The following RALYL variants were observed in gnomAD, a reference collection of about 807,000 sequenced individuals.
RALYL encodes the protein RNA-binding Raly-like protein.
In RALYL, 29 loss-of-function variants were observed where a neutral mutation model predicts 35.1. That is an observed-to-expected ratio of 0.83 (90% CI 0.61 to 1.13). The LOEUF (loss-of-function observed/expected upper bound fraction) is 1.13, where lower values mean the gene tolerates loss of function less well. Among genes scored for constraint, RALYL ranks in the 50% most tolerant of loss-of-function variants. RALYL has a pLI of 0.00. For synonymous variants in RALYL, 120 were observed against 127.6 expected (o/e 0.94, Z 0.40); for missense variants, 359 against 360.4 (o/e 1.00, Z 0.03).
chr8:84,614,773 TCC>T (rs1819067609), intron 2 of RALYL, among the ~76,000 whole-genome samples: 1 of 136,452 alleles, frequency 7.3e-6, no homozygotes, highest in African/African-American at 2.9e-5. Flanking sequence ...CTCCCTTCTT[TCC>T]TTTTTTTTTT....
rs542419826 is a variant in RALYL at position 84,533,508 on chromosome 8, A to T, written c.256+3931A>T. ...CAATGTCTTTCTTTATATTCGGATTATTTTACTGTTACAATGCTTGTAAAA... is the reference window on the plus strand; with the variant it reads ...CAATGTCTTTCTTTATATTCGGATTTTTTTACTGTTACAATGCTTGTAAAA... On this transcript the variant is annotated intron_variant, in intron 2 of 8. Transcript: ENST00000521268. Among the ~76,000 whole-genome samples the T allele has an allele frequency of 3.3e-5, 5 of 152,268 alleles. No homozygotes were observed. The East Asian group carries it at 9.6e-4, about 29-fold the overall frequency.
At chr8:84,276,570 C>T (rs939443612) in intron 1 of RALYL, among the ~76,000 whole-genome samples, 1 of 152,112 alleles carries the variant, frequency 6.6e-6, no homozygotes, top group African/African-American at 2.4e-5. Flanking sequence ...ATAAAGTATA[C>T]TTCTGGAAAG....
chr8:84,704,480 C>CATA (rs56942044), intron 2 of RALYL, among the ~76,000 whole-genome samples: 1 of 139,508 alleles, frequency 7.2e-6, no homozygotes, highest in Non-Finnish European at 1.5e-5. Flanking sequence ...CACACACACA[C>CATA]ACAACAACTC....
At chr8:84,792,257 G>A (rs958326564) in intron 3 of RALYL, among the ~76,000 whole-genome samples, 9 of 152,214 alleles carry the variant, frequency 5.9e-5, no homozygotes, top group African/African-American at 2.2e-4. Flanking sequence ...TTGAGTCCTG[G>A]AGGTGGCTCT....
intron 1 of RALYL, among the ~76,000 whole-genome samples, chr8:84,383,588 A>G (rs1406094179): frequency 1.3e-5 from 2 of 151,632 alleles, no homozygotes; most frequent in Admixed American, 6.6e-5. Context: ...TAAAAAAAAT[A>G]TGGGTCTAAT....
chr8:84,559,835 G>A (rs140201233), intron 2 of RALYL, among the ~76,000 whole-genome samples: 62 of 152,024 alleles, frequency 4.1e-4, no homozygotes, highest in African/African-American at 1.3e-3. Context: ...ACACAGGTCA[G>A]CAATAAAAGA....
chr8:84,883,437 G>C (rs549768284), intron 7 of RALYL, among the ~76,000 whole-genome samples: 1 of 152,136 alleles, frequency 6.6e-6, no homozygotes, highest in East Asian at 1.9e-4. Context: ...CCATGTGGCT[G>C]GGGAGGCCTC....
At position 84,868,287 on chromosome 8, in the gene RALYL, C is replaced by T. The variant is rs1034376882; in HGVS notation, c.572-4997C>T. Among the ~76,000 whole-genome samples, 3 of 152,170 alleles carry T rather than the reference C, an allele frequency of 2.0e-5. No homozygotes were observed. The East Asian group carries it at 5.8e-4, about 29-fold the overall frequency. Reference sequence around the variant, plus strand: ...AGTGGCATGTAACCTCAAACTCCTGCACTCAAGCTATCCTCCCACCTCAGC... The same window carrying T: ...AGTGGCATGTAACCTCAAACTCCTGTACTCAAGCTATCCTCCCACCTCAGC... On this transcript the variant is annotated intron_variant, in intron 6 of 8. Transcript: ENST00000521268.
At chr8:84,840,974 A>C (rs1255448488) in intron 4 of RALYL, among the ~76,000 whole-genome samples, 1 of 152,214 alleles carries the variant, frequency 6.6e-6, no homozygotes, top group African/African-American at 2.4e-5. Context: ...GAAGCACTAA[A>C]CATGGAAAGG....
chr8:84,275,337 T>C (rs1236805580), intron 1 of RALYL, among the ~76,000 whole-genome samples: 1 of 152,136 alleles, frequency 6.6e-6, no homozygotes, highest in Non-Finnish European at 1.5e-5. Flanking sequence ...GAATTATACA[T>C]GAATTTGCTG....
chr8:84,685,680 G>A (rs1383535635), intron 2 of RALYL, among the ~76,000 whole-genome samples: 1 of 151,926 alleles, frequency 6.6e-6, no homozygotes, highest in African/African-American at 2.4e-5. Context: ...AAAAACACAG[G>A]GCTAATGATC....
At chr8:84,583,497 T>C (rs551936487) in intron 2 of RALYL, among the ~76,000 whole-genome samples, 45 of 152,284 alleles carry the variant, frequency 3.0e-4, no homozygotes, top group African/African-American at 1.0e-3. Flanking sequence ...TTAAACTTAA[T>C]TTAATAAATA....
rs536858821 is a variant in RALYL, at chr8:84,657,040, G to C, written c.257-117539G>C. On this transcript the variant is annotated intron_variant, in intron 2 of 8. Coordinates refer to ENST00000521268, the MANE Select transcript of RALYL (RefSeq NM_173848.7). ...TTATTTCAAAGCCCACATTACATGA[G>C]TATAAGAAATTTCAGCTGCTGACAC... is the stretch of plus-strand genomic sequence containing the variant. Among the ~76,000 whole-genome samples the C allele has an allele frequency of 1.9e-4, 29 of 152,232 alleles. No individual in the cohort carries two copies. In the South Asian group the frequency reaches 4.3e-3, roughly 23 times the overall value.
intron 1 of RALYL, among the ~76,000 whole-genome samples, chr8:84,453,698 G>A (rs1462478481): frequency 6.6e-6 from 1 of 152,018 alleles, no homozygotes; most frequent in Non-Finnish European, 1.5e-5. Flanking sequence ...CAGGGACACA[G>A]TGTCAATGAC....
chr8:84,419,653 G>A (rs1039896774), intron 1 of RALYL, among the ~76,000 whole-genome samples: 17 of 148,650 alleles, frequency 1.1e-4, no homozygotes, highest in East Asian at 2.0e-4. Context: ...CCACTAACTC[G>A]TCATCTAGCA....
intron 2 of RALYL, among the ~76,000 whole-genome samples, chr8:84,609,037 T>C (rs1177079504): frequency 1.3e-5 from 2 of 152,098 alleles, no homozygotes; most frequent in Non-Finnish European, 1.5e-5. Flanking sequence ...TCAAACCAGA[T>C]TTTTTGGCTC....
chr8:84,809,772 G>T (rs1185308164), intron 4 of RALYL, among the ~76,000 whole-genome samples: 2 of 152,020 alleles, frequency 1.3e-5, no homozygotes, highest in Non-Finnish European at 2.9e-5. Context: ...TGTGCATAAA[G>T]GTGTTCACAG....
chr8:84,659,388 G>C (rs1412801609), intron 2 of RALYL, among the ~76,000 whole-genome samples: 1 of 151,928 alleles, frequency 6.6e-6, no homozygotes, highest in Non-Finnish European at 1.5e-5. Context: ...ATGTGAGAGA[G>C]CCATTGTACC....
intron 1 of RALYL, among the ~76,000 whole-genome samples, chr8:84,267,742 C>A (rs1053726006): frequency 6.6e-6 from 1 of 152,156 alleles, no homozygotes; most frequent in Non-Finnish European, 1.5e-5. Context: ...GACGTCTCTG[C>A]GCTGGATCCA....
Sources: gnomAD v4.1 joint callset for allele counts (sites outside exome capture counted in the v4.1 genomes callset) on GRCh38, gnomAD v4.1.1 for gene constraint, MANE v1.5 for transcripts, NCBI Gene and HGNC (gene_info 2026-07-23, HGNC 2026-07-21) for gene names.